NUP155: variants seen among roughly 807,000 people sequenced by gnomAD.
The protein encoded by NUP155 is nucleoporin 155.
Under a neutral mutation model 180.4 loss-of-function variants are expected in NUP155, and 71 were observed. The ratio of observed to expected loss-of-function variants is 0.39; its 90% CI spans 0.33 to 0.48. The LOEUF (loss-of-function observed/expected upper bound fraction) is 0.48, where lower values mean the gene tolerates loss of function less well. Among genes scored for constraint, NUP155 ranks in the 20% least tolerant of loss-of-function variants. The pLI is 0.91. For synonymous variants in NUP155, 582 were observed against 559.5 expected (o/e 1.04, Z -0.57); for missense variants, 1,553 against 1,648.9 (o/e 0.94, Z 1.01).
chr5:37,313,903 T>C (rs1743693314), intron 22 of NUP155, among the ~76,000 whole-genome samples: 1 of 152,162 alleles, frequency 6.6e-6, no homozygotes, highest in Admixed American at 6.5e-5. Flanking sequence ...AGAGATAGCT[T>C]TTATCAGATT....
At chr5:37,331,929 T>A in intron 13 of NUP155, 134 bp from the exon 14 acceptor site, 2 of 666,102 alleles carry the variant, frequency 3.0e-6, no homozygotes, top group East Asian at 5.6e-5. Flanking sequence ...AGGCTGGGTA[T>A]GGTGGCCCAC....
intron 34 of NUP155, 87 bp downstream of exon 34, chr5:37,292,792 T>G (rs1742305858): frequency 1.2e-6 from 1 of 808,450 alleles, no homozygotes; most frequent in Non-Finnish European, 2.2e-6. Flanking sequence ...ACAAGAATCT[T>G]CCCATCTTCT....
chr5:37,367,865 CTTCCGCCTCCCTGGTTCAAGCGATTG>C, intron 1 of NUP155, among the ~76,000 whole-genome samples: 1 of 151,778 alleles, frequency 6.6e-6, no homozygotes, highest in Non-Finnish European at 1.5e-5. Context: ...CTCACTGCAA[CTTCCGCCTCCCTGGTTCAAGCGATTG>C]TCCTGCCTCA....
At chr5:37,364,205 C>T in intron 2 of NUP155, 42 bp downstream of exon 2, 1 of 1,459,306 alleles carries the variant, frequency 6.9e-7, no homozygotes, top group East Asian at 2.4e-5. Context: ...TGAAAAATAC[C>T]AATTTTAACA....
chr5:37,307,372 T>G lies in NUP155; in HGVS notation c.2828A>C (p.Gln943Pro), dbSNP rs762498127. 5.0e-6 allele frequency: 8 copies of G among 1,613,932 alleles called. No individual in the cohort carries two copies. The South Asian group carries it at 8.8e-5, about 18-fold the overall frequency. ...TTTATAGAAATGAAGCCCAAGACCTTGAGGATCTTTTTTCTCTGCAGCCGT... is the reference window on the plus strand; with the variant it reads ...TTTATAGAAATGAAGCCCAAGACCTGGAGGATCTTTTTTCTCTGCAGCCGT... Reference protein sequence around the residue: ...SLTAAEKKDPQGLGLHFYKHG... With the variant: ...SLTAAEKKDPPGLGLHFYKHG... Residue 943 changes from glutamine (Q) to proline (P), a missense_variant, in exon 25 of 35, where the codon CAA becomes CCA. Transcript: ENST00000231498.
At position 37,307,303 on chromosome 5, in the gene NUP155, T is replaced by G; in HGVS notation, c.2897A>C (p.Gln966Pro). Residue 966 changes from glutamine (Q) to proline (P), a missense_variant, in exon 25 of 35, where the codon CAA becomes CCA. Coordinates refer to ENST00000231498, the MANE Select transcript of NUP155 (RefSeq NM_153485.3). ...EEDIVGLQAF[Q>P]ERLNSYKCIT... Reference sequence around the variant, plus strand: ...CTAACGTAATGGAATGCACCTTTCTTGGAAGGCCTGAAGTCCAACTATGTC... The same window carrying G: ...CTAACGTAATGGAATGCACCTTTCTGGGAAGGCCTGAAGTCCAACTATGTC... 1 of 1,614,110 alleles carries G rather than the reference T, an allele frequency of 6.2e-7. No homozygotes were observed.
rs569130078 is a variant in NUP155, at chr5:37,321,469, A to C, written c.2207+2523T>G. On this transcript the variant is annotated intron_variant, in intron 20 of 34. Coordinates refer to ENST00000231498, the MANE Select transcript of NUP155 (RefSeq NM_153485.3). ...CGCGGTGGCTCACCCCTGTAATCCC[A>C]GCACTTTGGGAGGCTGAGGCGGGCG... Among the ~76,000 whole-genome samples, 11 of 152,352 alleles carry C rather than the reference A, an allele frequency of 7.2e-5. No individual in the cohort carries two copies. The South Asian group carries it at 2.3e-3, about 32-fold the overall frequency.
intron 1 of NUP155, 34 bp from the exon 2 acceptor site, chr5:37,364,418 T>A: frequency 1.3e-6 from 2 of 1,599,244 alleles, no homozygotes; most frequent in Non-Finnish European, 1.7e-6. Flanking sequence ...TATAATAATG[T>A]ACTGCTCATC....
intron 1 of NUP155, among the ~76,000 whole-genome samples, chr5:37,367,319 A>T (rs1454876442): frequency 6.7e-6 from 1 of 150,280 alleles, no homozygotes; most frequent in Non-Finnish European, 1.5e-5. Flanking sequence ...GGTTCAAGAG[A>T]TTCTCCTGCC....
intron 13 of NUP155, among the ~76,000 whole-genome samples, chr5:37,332,771 C>CT (rs1281015020): frequency 6.6e-6 from 1 of 151,882 alleles, no homozygotes; most frequent in Non-Finnish European, 1.5e-5. Context: ...CGAGCCTGGG[C>CT]TTTAGTGAGA....
intron 20 of NUP155, among the ~76,000 whole-genome samples, chr5:37,320,112 TCA>T (rs1283813327): frequency 6.6e-6 from 1 of 151,018 alleles, no homozygotes; most frequent in Non-Finnish European, 1.5e-5. Flanking sequence ...GGAATAATGA[TCA>T]CATCACTGCA....
At chr5:37,294,658 C>A (rs989658845) in intron 32 of NUP155, among the ~76,000 whole-genome samples, 193 bp from the exon 33 acceptor site, 1 of 152,008 alleles carries the variant, frequency 6.6e-6, no homozygotes, top group Admixed American at 6.6e-5. Flanking sequence ...AACTACAGTG[C>A]ACGACAGCCT....
chr5:37,322,349 C>T (rs1316548003), intron 20 of NUP155, among the ~76,000 whole-genome samples: 1 of 152,158 alleles, frequency 6.6e-6, no homozygotes, highest in Non-Finnish European at 1.5e-5. Context: ...AGTGATGTGA[C>T]TCCCCCAATG....
At chr5:37,364,221 A>T (rs1747401120) in intron 2 of NUP155, 26 bp downstream of exon 2, 1 of 1,566,022 alleles carries the variant, frequency 6.4e-7, no homozygotes, top group Non-Finnish European at 8.8e-7. Flanking sequence ...TAACATTTTT[A>T]AAATAAATAC....
At chr5:37,335,756 C>G (rs1745289368) in intron 12 of NUP155, among the ~76,000 whole-genome samples, 1 of 151,966 alleles carries the variant, frequency 6.6e-6, no homozygotes, top group African/African-American at 2.4e-5. Flanking sequence ...TCGAGACCAG[C>G]AGGGGCTACA....
intron 24 of NUP155, among the ~76,000 whole-genome samples, chr5:37,308,474 G>A (rs1743307845): frequency 6.6e-6 from 1 of 151,882 alleles, no homozygotes; most frequent in Non-Finnish European, 1.5e-5. Context: ...TGAGGTGGGT[G>A]GATCATGAGG....
chr5:37,323,888 A>G (rs1170420277), intron 20 of NUP155, 104 bp downstream of exon 20: 5 of 772,856 alleles, frequency 6.5e-6, no homozygotes, highest in African/African-American at 1.7e-5. Context: ...AAAAAATACT[A>G]AACTGCACAC....
intron 4 of NUP155, among the ~76,000 whole-genome samples, chr5:37,357,754 G>C (rs1746935153): frequency 6.6e-6 from 1 of 152,200 alleles, no homozygotes; most frequent in Admixed American, 6.5e-5. Context: ...AGCACTTTGG[G>C]AGGCTGAGGC....
intron 32 of NUP155, among the ~76,000 whole-genome samples, chr5:37,295,604 GCGCC>G: frequency 8.9e-6 from 1 of 112,570 alleles, no homozygotes; most frequent in Admixed American, 9.1e-5. Flanking sequence ...GAAGTGAGGA[GCGCC>G]TCTTCCCGGC....
Sources: gnomAD v4.1 joint callset for allele counts (sites outside exome capture counted in the v4.1 genomes callset) on GRCh38, gnomAD v4.1.1 for gene constraint, MANE v1.5 for transcripts, NCBI Gene and HGNC (gene_info 2026-07-23, HGNC 2026-07-21) for gene names.